BDH1: variants seen among roughly 807,000 people sequenced by gnomAD.
The protein encoded by BDH1 is 3-hydroxybutyrate dehydrogenase 1.
A neutral mutation model predicts 33.1 loss-of-function variants in BDH1; 30 were observed. That is an observed-to-expected ratio of 0.91 (90% CI 0.68 to 1.23). The LOEUF (loss-of-function observed/expected upper bound fraction) is 1.23, where lower values mean the gene tolerates loss of function less well. Among genes scored for constraint, BDH1 ranks in the 50% most tolerant of loss-of-function variants. BDH1 has a pLI of 0.00. For synonymous variants in BDH1, 190 were observed against 183.6 expected, an observed-to-expected ratio of 1.03 and a Z score of -0.28; for missense variants, 443 against 464.4, an observed-to-expected ratio of 0.95 and a Z score of 0.42.
At chr3:197,571,351 G>C (rs887446858) in intron 1 of BDH1, among the ~76,000 whole-genome samples, 2 of 152,170 alleles carry the variant, frequency 1.3e-5, no homozygotes. Flanking sequence ...GGCATGATTG[G>C]TTTTGAAATG....
chr3:197,512,172 C>G lies in BDH1; in HGVS notation c.755G>C (p.Ser252Thr). The G allele has an allele frequency of 6.2e-7, 1 of 1,614,154 alleles. No homozygotes were observed. Among genetic ancestry groups the G allele is most frequent in the Non-Finnish European group, 8.5e-7 (1 of 1,180,036 alleles). Residue 252 changes from serine to threonine, a missense_variant, in exon 8 of 8, where the codon AGC becomes ACC. Transcript: ENST00000392379. ...CATCTTCTTGGCGATGGCCTGAATG[C>G]TCTCAGGGCTGTAAAGGCTGGTGGC... is the stretch of plus-strand genomic sequence containing the variant. The part of the protein sequence containing the change: ...IAATSLYSPE[S>T]IQAIAKKMWE...
At position 197,554,788 on chromosome 3, in the gene BDH1, C is replaced by G. The variant is rs889367190; in HGVS notation, c.-195-75G>C. ...AAACACTTCCCCAGAAGGGCGCAGC[C>G]TGGAGGCGGCCGCGCGCAGGACGCA... is the stretch of plus-strand genomic sequence containing the variant. On this transcript the variant is annotated intron_variant, in intron 1 of 7. Coordinates refer to ENST00000392379, the MANE Select transcript of BDH1 (RefSeq NM_203314.3). The surrounding 1 kb of genome is among the most constrained non-coding windows in gnomAD (Gnocchi z 4.4). 1 of 152,162 alleles carries G rather than the reference C, an allele frequency of 6.6e-6. No homozygotes were observed. Among genetic ancestry groups the G allele is most frequent in the Non-Finnish European group, 1.5e-5 (1 of 68,040 alleles). 9.4% of individuals were successfully genotyped at this position (152,162 alleles called of 1,614,324 possible). A position where few individuals can be genotyped will look rare whatever the true frequency, so the allele number is the denominator to read the frequency against.
rs564105436 is a variant in BDH1, at chr3:197,525,072, G to T, written c.268-2291C>A. Among the ~76,000 whole-genome samples the T allele has an allele frequency of 1.3e-5, 2 of 152,156 alleles. No homozygotes were observed. Among genetic ancestry groups the T allele is most frequent in the Non-Finnish European group, 2.9e-5 (2 of 68,026 alleles). On this transcript the variant is annotated intron_variant, in intron 5 of 7. Transcript: ENST00000392379. The surrounding 1 kb of genome is among the most constrained non-coding windows in gnomAD (Gnocchi z 4.9). Reference sequence around the variant, plus strand: ...AACAAGACGCAGGCATGAGATGCACGGGACAGATGGGCCTGGAGCTCAGGC... The same window carrying T: ...AACAAGACGCAGGCATGAGATGCACTGGACAGATGGGCCTGGAGCTCAGGC...
chr3:197,532,712 G>A (rs1385092250), intron 4 of BDH1, among the ~76,000 whole-genome samples, 190 bp from the exon 5 acceptor site: 2 of 152,148 alleles, frequency 1.3e-5, no homozygotes, highest in Non-Finnish European at 2.9e-5. Flanking sequence ...ACCCAGACTC[G>A]GCTACCAACC....
chr3:197,541,901 C>G (rs569103667), intron 3 of BDH1, among the ~76,000 whole-genome samples: 80 of 152,366 alleles, frequency 5.3e-4, no homozygotes, highest in African/African-American at 1.9e-3. Context: ...CACAGCCCAG[C>G]TGAGCTGTGA....
intron 2 of BDH1, among the ~76,000 whole-genome samples, chr3:197,551,831 C>T (rs779869076): frequency 6.6e-6 from 1 of 152,126 alleles, no homozygotes; most frequent in Non-Finnish European, 1.5e-5. Flanking sequence ...AAGTGTTACC[C>T]GAGCTGTCAA....
Position 197,512,040 on chromosome 3 carries a change from G to A in BDH1, c.887C>T (p.Ser296Phe), listed in dbSNP as rs771107212. The A allele has an allele frequency of 7.4e-6, 12 of 1,614,064 alleles. No individual in the cohort carries two copies. Among genetic ancestry groups the A allele is most frequent in the Non-Finnish European group, 1.0e-5 (12 of 1,180,040 alleles). ...TYCSSGSTDTSPVIDAVTHAL... is the reference protein window; with the variant it reads ...TYCSSGSTDTFPVIDAVTHAL... The stretch of plus-strand genomic sequence containing the variant: ...GTGTGTGACAGCATCGATGACAGGG[G>A]ACGTGTCTGTGGAGCCACTGCTGCA... Residue 296 changes from serine to phenylalanine, a missense_variant, in exon 8 of 8, where the codon TCC (serine) becomes TTC (phenylalanine). Transcript: ENST00000392379.
chr3:197,561,344 C>G (rs1156731086), intron 1 of BDH1, among the ~76,000 whole-genome samples: 1 of 152,132 alleles, frequency 6.6e-6, no homozygotes, highest in Non-Finnish European at 1.5e-5. Flanking sequence ...AACTCCCCCC[C>G]ACCTTTTTTT....
Position 197,526,993 on chromosome 3 carries a change from C to T in BDH1, c.268-4212G>A, listed in dbSNP as rs1714162756. ...CAGCACACTAACAACTCTTTCCAGT[C>T]GCTCAACCTCTTCTATTTCCATTTC... On this transcript the variant is annotated intron_variant, in intron 5 of 7. Coordinates refer to ENST00000392379, the MANE Select transcript of BDH1 (RefSeq NM_203314.3). The surrounding 1 kb of genome is among the most constrained non-coding windows in gnomAD (Gnocchi z 4.7). Among the ~76,000 whole-genome samples, 1 of 152,216 alleles carries T rather than the reference C, an allele frequency of 6.6e-6. No homozygotes were observed.
intron 2 of BDH1, among the ~76,000 whole-genome samples, chr3:197,553,090 G>A (rs538286050): frequency 5.3e-5 from 8 of 152,070 alleles, no homozygotes; most frequent in Admixed American, 1.3e-4. Context: ...GCTAATTTTT[G>A]TATTTTTAGT....
At chr3:197,540,413 T>C (rs1179705017) in intron 3 of BDH1, among the ~76,000 whole-genome samples, 2 of 145,020 alleles carry the variant, frequency 1.4e-5, no homozygotes, top group Non-Finnish European at 3.0e-5. Flanking sequence ...CTCACACCTG[T>C]AATCCCAGCA....
chr3:197,510,903 C>G lies in BDH1; in HGVS notation c.*992G>C, dbSNP rs1240757440. 2 of 152,152 alleles carry G rather than the reference C, an allele frequency of 1.3e-5. No homozygotes were observed. The highest frequency in any genetic ancestry group is 2.9e-5 in the Non-Finnish European group (2 of 68,142). 9.4% of individuals were successfully genotyped at this position (152,152 alleles called of 1,614,324 possible). The stretch of plus-strand genomic sequence containing the variant: ...ACTTATCCCCTTAGCCAGAGAGCAC[C>G]TCCACACAAGTCTATCCTGAGTCCT... On this transcript the variant is annotated 3_prime_UTR_variant, in exon 8 of 8. Transcript: ENST00000392379.
intron 2 of BDH1, among the ~76,000 whole-genome samples, chr3:197,547,621 C>G (rs945454527): frequency 1.3e-5 from 2 of 152,260 alleles, no homozygotes; most frequent in Admixed American, 6.5e-5. Context: ...TTTGCCACAC[C>G]CCCATTCTCA....
chr3:197,547,586 ACT>A (rs1452866733), intron 2 of BDH1, among the ~76,000 whole-genome samples: 1 of 151,998 alleles, frequency 6.6e-6, no homozygotes, highest in Non-Finnish European at 1.5e-5. Context: ...ACTACAGTAA[ACT>A]CTCGCTTGTA....
At chr3:197,569,795 G>C (rs965583153) in intron 1 of BDH1, among the ~76,000 whole-genome samples, 1 of 152,172 alleles carries the variant, frequency 6.6e-6, no homozygotes, top group African/African-American at 2.4e-5. Flanking sequence ...AAATTACTCA[G>C]TCTTGGGTAT....
At chr3:197,571,553 T>G (rs980526172) in intron 1 of BDH1, among the ~76,000 whole-genome samples, 2 of 152,146 alleles carry the variant, frequency 1.3e-5, no homozygotes, top group Non-Finnish European at 2.9e-5. Context: ...TCTCATGAGA[T>G]CTAATGGTTT....
At chr3:197,566,023 G>A (rs552531934) in intron 1 of BDH1, among the ~76,000 whole-genome samples, 1 of 152,304 alleles carries the variant, frequency 6.6e-6, no homozygotes, top group Non-Finnish European at 1.5e-5. Flanking sequence ...TCAGATACAA[G>A]AAAACGTCTT....
At chr3:197,561,640 T>A (rs190816740) in intron 1 of BDH1, among the ~76,000 whole-genome samples, 124 of 152,324 alleles carry the variant, frequency 8.1e-4, no homozygotes, top group African/African-American at 2.9e-3. Context: ...GTTTTGTTGT[T>A]GTTGTTGTTT....
intron 4 of BDH1, 109 bp downstream of exon 4, chr3:197,533,380 G>A (rs1468048192): frequency 7.8e-6 from 9 of 1,152,556 alleles, no homozygotes; most frequent in Non-Finnish European, 9.0e-6. Flanking sequence ...GGCTCCCAGT[G>A]TCCTGGAAAC....
Sources: allele counts gnomAD v4.1 joint callset (sites outside exome capture counted in the v4.1 genomes callset), GRCh38; gene constraint gnomAD v4.1.1; non-coding constraint Gnocchi (gnomAD v3.1); transcripts MANE v1.5; gene names NCBI Gene and HGNC (gene_info 2026-07-23, HGNC 2026-07-21).